ZNF426: variants seen among roughly 807,000 people sequenced by gnomAD.
The protein encoded by ZNF426 is CTC-543D15.7.
ZNF426 carries 23 observed loss-of-function variants against 24.0 expected under a neutral mutation model. The observed-to-expected ratio is 0.96, with a 90% CI of 0.69 to 1.36. The LOEUF is 1.36. Ranked by LOEUF, ZNF426 falls within the 40% of genes most tolerant of loss-of-function variation. The pLI, the probability that ZNF426 is intolerant of heterozygous loss-of-function variation, is 0.00. For missense variants in ZNF426, 646 were observed against 658.4 expected (o/e 0.98, Z 0.21); for synonymous variants, 272 against 224.6 (o/e 1.21, Z -1.89).
rs758131017 is a variant in ZNF426, at chr19:9,528,661, G to A, written c.1384C>T (p.His462Tyr). 7 of 1,613,728 alleles carry A rather than the reference G, an allele frequency of 4.3e-6. No homozygotes were observed. Among genetic ancestry groups the A allele is most frequent in the Non-Finnish European group, 5.9e-6 (7 of 1,179,906 alleles). The change falls in exon 8 of 8, where the codon CAC becomes TAC. Residue 462 changes from histidine (H) to tyrosine (Y), a missense_variant. By Grantham distance (83) the His-to-Tyr change is moderately conservative (BLOSUM62 2). Coordinates refer to ENST00000253115, the MANE Select transcript of ZNF426 (RefSeq NM_024106.3). ...TGGATTCGCATGTGAATTTTAAGGT[G>A]GGTGGAATAGTTAAAAGCCTTCCCA... ...ECGKAFNYSTHLKIHMRIHTG... is the reference protein window; with the variant it reads ...ECGKAFNYSTYLKIHMRIHTG...
chr19:9,535,229 C>T lies in ZNF426; in HGVS notation c.76G>A (p.Ala26Thr). ...PVCLHEEKTP[A>T]GRIVADCLTD... The stretch of plus-strand genomic sequence containing the variant: ...AGGCAGTCAGCCACTATTCTTCCTG[C>T]TGGTGTCTTTTCTTCATGAAGGCAA... The change falls in exon 4 of 8, where the codon GCA becomes ACA. Residue 26 changes from alanine (A) to threonine (T), a missense_variant. Physicochemically the swap from Ala to Thr is moderately conservative, Grantham distance 58. Coordinates refer to ENST00000253115, the MANE Select transcript of ZNF426 (RefSeq NM_024106.3). 1 of 1,613,714 alleles carries T rather than the reference C, an allele frequency of 6.2e-7. No individual in the cohort carries two copies. The highest frequency in any genetic ancestry group is 2.2e-5 in the East Asian group (1 of 44,860).
At chr19:9,534,645 A>C (rs1016321731) in intron 4 of ZNF426, among the ~76,000 whole-genome samples, 2 of 151,892 alleles carry the variant, frequency 1.3e-5, no homozygotes, top group African/African-American at 4.8e-5. Flanking sequence ...CCCAGGCTAG[A>C]GTGCAGTGGT....
In ZNF426 at chr19:9,529,398, C is replaced by T. The variant is rs1386142868; in HGVS notation, c.647G>A (p.Arg216Lys). The T allele has an allele frequency of 3.7e-6, 6 of 1,613,730 alleles. No homozygotes were observed. The highest frequency in any genetic ancestry group is 1.3e-5 in the African/African-American group (1 of 74,892). Reference sequence around the variant, plus strand: ...AAATGACTTTTCTTGTGTGCTAGTTCTCTGGTATACAATATTTGGTGTCAG... The same window carrying T: ...AAATGACTTTTCTTGTGTGCTAGTTTTCTGGTATACAATATTTGGTGTCAG... ...FSLTPNIVYQRTSTQEKSFEC... is the reference protein window; with the variant it reads ...FSLTPNIVYQKTSTQEKSFEC... Residue 216 changes from arginine (R) to lysine (K), a missense_variant, in exon 8 of 8, where the codon AGA becomes AAA. Arg to Lys is a conservative substitution (Grantham distance 26). Transcript: ENST00000253115.
Position 9,528,861 on chromosome 19 carries a change from A to G in ZNF426, c.1184T>C (p.Val395Ala). 3 of 1,613,476 alleles carry G rather than the reference A, an allele frequency of 1.9e-6. No homozygotes were observed. Among genetic ancestry groups the G allele is most frequent in the Non-Finnish European group, 2.5e-6 (3 of 1,179,838 alleles). The change falls in exon 8 of 8, where the codon GTT becomes GCT. Residue 395 changes from valine to alanine, a missense_variant. Transcript: ENST00000253115. ...AACTGCAAAGGCTTTCCCACATTCAACACATACAAAAGGCTTCTCTCCAGT... is the reference window on the plus strand; with the variant it reads ...AACTGCAAAGGCTTTCCCACATTCAGCACATACAAAAGGCTTCTCTCCAGT... ...THTGEKPFVC[V>A]ECGKAFAVSS...
At chr19:9,536,154 A>G in intron 3 of ZNF426, 54 bp downstream of exon 3, 3 of 1,612,500 alleles carry the variant, frequency 1.9e-6, no homozygotes, top group East Asian at 4.5e-5. Flanking sequence ...TAGACCCTAT[A>G]TTGTGTAAAG....
intron 3 of ZNF426, among the ~76,000 whole-genome samples, chr19:9,535,737 G>A (rs545219536): frequency 6.6e-6 from 1 of 152,122 alleles, no homozygotes; most frequent in Non-Finnish European, 1.5e-5. Flanking sequence ...GGGAGGCAGA[G>A]GTGGGAGGAT....
Position 9,525,774 on chromosome 19 carries a change from A to G in ZNF426, c.*2606T>C, listed in dbSNP as rs1366120498. The G allele has an allele frequency of 1.3e-5, 2 of 151,556 alleles. No homozygotes were observed. The highest frequency in any genetic ancestry group is 4.9e-5 in the African/African-American group (2 of 41,138). The allele number at this position is 151,556 out of a possible 1,614,324, so 9.4% of individuals were successfully genotyped here. On this transcript the variant is annotated 3_prime_UTR_variant, in exon 8 of 8. Transcript: ENST00000253115. ...AGTGCTGGGATTACAGGGTTGAGCC[A>G]CTGCGCCTAGCCTTTTATTTATTTA...
chr19:9,532,907 G>C lies in ZNF426; in HGVS notation c.263C>G (p.Pro88Arg). Residue 88 changes from proline (P) to arginine (R), a missense_variant, in exon 6 of 8, where the codon CCC becomes CGC. Physicochemically the swap from Pro to Arg is moderately radical, Grantham distance 103. Coordinates refer to ENST00000253115, the MANE Select transcript of ZNF426 (RefSeq NM_024106.3). ...LATVGGQIIK[P>R]SLISWLEQEE... is the part of the protein sequence containing the mutation. ...TTGTTCCAACCAAGAGATTAGACTGGGTTTGATGATCTGACCTCCTGAGCA... is the reference window on the plus strand; with the variant it reads ...TTGTTCCAACCAAGAGATTAGACTGCGTTTGATGATCTGACCTCCTGAGCA... 6.2e-7 allele frequency: 1 copy of C among 1,613,816 alleles called. No homozygotes were observed. The highest frequency in any genetic ancestry group is 1.1e-5 in the South Asian group (1 of 91,054).
At chr19:9,534,042 AC>A in intron 4 of ZNF426, 76 bp from the exon 5 acceptor site, 1 of 1,564,148 alleles carries the variant, frequency 6.4e-7, no homozygotes, top group Non-Finnish European at 8.6e-7. Context: ...AGGAAGGGGG[AC>A]CCAATGCCTA....
Position 9,529,002 on chromosome 19 carries a change from T to A in ZNF426, c.1043A>T (p.Tyr348Phe), listed in dbSNP as rs780624163. ...TCGTACATGCATACTAAGGCCCGAG[T>A]ACTGAGTGAAGGCTTTCCCACATTC... ...CKECGKAFTQ[Y>F]SGLSMHVRSH... Residue 348 changes from tyrosine (Y) to phenylalanine (F), a missense_variant, in exon 8 of 8, where the codon TAC becomes TTC. Physicochemically the swap from Tyr to Phe is conservative, Grantham distance 22 (BLOSUM62 3). Coordinates refer to ENST00000253115, the MANE Select transcript of ZNF426 (RefSeq NM_024106.3). 5 of 1,612,110 alleles carry A rather than the reference T, an allele frequency of 3.1e-6. No individual in the cohort carries two copies. The South Asian group carries it at 5.5e-5, about 18-fold the overall frequency.
intron 4 of ZNF426, 146 bp from the exon 5 acceptor site, chr19:9,534,112 T>C: frequency 9.7e-7 from 1 of 1,033,136 alleles, no homozygotes; most frequent in Non-Finnish European, 1.4e-6. Context: ...TAGAAACTCC[T>C]CGCACCCTAA....
Position 9,528,230 on chromosome 19 carries a change from CA to C in ZNF426, c.*149del. 1.3e-6 allele frequency: 1 copy of C among 788,868 alleles called. No homozygotes were observed. Among genetic ancestry groups the C allele is most frequent in the Non-Finnish European group, 1.9e-6 (1 of 518,844 alleles). 48.9% of individuals were successfully genotyped at this position (788,868 alleles called of 1,614,324 possible). A position where few individuals can be genotyped will look rare whatever the true frequency, so the allele number is the denominator to read the frequency against. ...CTCAAACTCCTGACCTCAAGTGATC[CA>C]CCCACCTCAGCCTCTCAAAATGCTG... On this transcript the variant is annotated 3_prime_UTR_variant, in exon 8 of 8. Transcript: ENST00000253115.
At chr19:9,531,508 A>G (rs16981222) in intron 6 of ZNF426, among the ~76,000 whole-genome samples, 3,116 of 152,330 alleles carry the variant, frequency 0.02, 114 homozygotes, top group African/African-American at 0.071. Flanking sequence ...GATTTGGGCT[A>G]TATCAAAAAT....
chr19:9,535,080 A>AC, intron 4 of ZNF426, 108 bp downstream of exon 4: 1 of 448,130 alleles, frequency 2.2e-6, no homozygotes, highest in South Asian at 4.8e-5. Flanking sequence ...TCCCTCTCAA[A>AC]AAAAAAAAAA....
chr19:9,528,300 A>G lies in ZNF426; in HGVS notation c.*80T>C. ...AATTTTCATGCAGCTTCTTCTCTCC[A>G]GAGTGAGTTCATTCATGTCTTTAAA... is the stretch of plus-strand genomic sequence containing the variant. On this transcript the variant is annotated 3_prime_UTR_variant, in exon 8 of 8. Coordinates refer to ENST00000253115, the MANE Select transcript of ZNF426 (RefSeq NM_024106.3). 2 of 1,379,100 alleles carry G rather than the reference A, an allele frequency of 1.5e-6. No homozygotes were observed. Among genetic ancestry groups the G allele is most frequent in the Non-Finnish European group, 2.0e-6 (2 of 1,013,048 alleles). The allele number at this position is 1,379,100 out of a possible 1,614,324, so 85.4% of individuals were successfully genotyped here.
At chr19:9,530,891 T>G (rs2073872964) in intron 7 of ZNF426, 94 bp downstream of exon 7, 2 of 1,005,334 alleles carry the variant, frequency 2.0e-6, no homozygotes, top group Non-Finnish European at 3.1e-6. Flanking sequence ...ATGCAACTTC[T>G]CTCAAATATC....
intron 3 of ZNF426, 33 bp from the exon 4 acceptor site, chr19:9,535,312 C>A: frequency 1.3e-6 from 2 of 1,542,596 alleles, no homozygotes; most frequent in Non-Finnish European, 1.8e-6. Flanking sequence ...GAACCCCGAG[C>A]TGACCATAAT....
At chr19:9,531,642 G>C (rs577105273) in intron 6 of ZNF426, among the ~76,000 whole-genome samples, 1 of 152,150 alleles carries the variant, frequency 6.6e-6, no homozygotes, top group Non-Finnish European at 1.5e-5. Context: ...TGAATAGAGA[G>C]AATCAGGGAA....
At position 9,533,355 on chromosome 19, in the gene ZNF426, C is replaced by T. The variant is rs138632255; in HGVS notation, c.245-430G>A. 1.1e-4 allele frequency among the ~76,000 whole-genome samples: 16 copies of T among 152,164 alleles called. No individual in the cohort carries two copies. In the East Asian group the frequency reaches 3.1e-3, roughly 29 times the overall value. ...CCAGTAATCCCAGCTATTCGGGAGG[C>T]TGAGGCCCAAGAATCGCTTGAACCC... On this transcript the variant is annotated intron_variant, in intron 5 of 7. Coordinates refer to ENST00000253115, the MANE Select transcript of ZNF426 (RefSeq NM_024106.3).
Sources: gnomAD v4.1 joint callset for allele counts (sites outside exome capture counted in the v4.1 genomes callset) on GRCh38, gnomAD v4.1.1 for gene constraint, MANE v1.5 for transcripts, NCBI Gene and HGNC (gene_info 2026-07-23, HGNC 2026-07-21) for gene names.